Variants in EPS8 observed in about 807,000 individuals in gnomAD.
EPS8 encodes epidermal growth factor receptor kinase substrate 8.
A neutral mutation model predicts 103.8 loss-of-function variants in EPS8; 42 were observed. That is an observed-to-expected ratio of 0.40 (90% CI 0.32 to 0.52). The LOEUF (loss-of-function observed/expected upper bound fraction) is 0.52. Among genes scored for constraint, EPS8 ranks in the 20% least tolerant of loss-of-function variants. EPS8 has a pLI of 0.40. For missense variants in EPS8, 969 were observed against 1,005.1 expected, an observed-to-expected ratio of 0.96 and a Z score of 0.49; for synonymous variants, 344 against 344.6, an observed-to-expected ratio of 1.00 and a Z score of 0.02.
At chr12:15,743,981 A>G (rs1453518965) in intron 1 of EPS8, among the ~76,000 whole-genome samples, 1 of 152,206 alleles carries the variant, frequency 6.6e-6, no homozygotes, top group Non-Finnish European at 1.5e-5. Flanking sequence ...GGCAACCTAC[A>G]GTATGGGAGA....
rs1279041497 is a variant in EPS8, at chr12:15,698,965, GTAAATGACCATCAATCTACTAATATAAA to G, written c.-21-16021_-21-15994del. Among the ~76,000 whole-genome samples the G allele has an allele frequency of 2.6e-5, 4 of 152,134 alleles. No individual in the cohort carries two copies. Among genetic ancestry groups the G allele is most frequent in the African/African-American group, 9.7e-5 (4 of 41,436 alleles). ...CCAGATGCTTCAGATTTGAAAAAATGTAAATGACCATCAATCTACTAATATAAATGGGCAAAGGACAGATGATCCACAG... is the reference window on the plus strand; with the variant it reads ...CCAGATGCTTCAGATTTGAAAAAATGTGGGCAAAGGACAGATGATCCACAG... On this transcript the variant is annotated intron_variant, in intron 1 of 20. Transcript: ENST00000281172. This position sits in a 1 kb window ranked among gnomAD's most constrained non-coding sequence, Gnocchi z 4.9.
intron 3 of EPS8, among the ~76,000 whole-genome samples, chr12:15,675,022 G>C (rs1945879707): frequency 6.6e-6 from 1 of 152,146 alleles, no homozygotes; most frequent in Non-Finnish European, 1.5e-5. Flanking sequence ...AAGATCAGGA[G>C]ATAGACAAGA....
intron 1 of EPS8, among the ~76,000 whole-genome samples, chr12:15,786,562 T>C (rs1262678220): frequency 6.6e-5 from 10 of 152,050 alleles, no homozygotes; most frequent in Non-Finnish European, 1.5e-4. Context: ...TAGTAACAAA[T>C]ACCAATAATA....
chr12:15,634,911 G>A, intron 17 of EPS8: 1 of 391,598 alleles, frequency 2.6e-6, no homozygotes, highest in South Asian at 1.4e-4. Flanking sequence ...AACCAGTGAA[G>A]GAGCCTGTAA....
chr12:15,753,373 T>A (rs1353729196), intron 1 of EPS8, among the ~76,000 whole-genome samples: 1 of 152,200 alleles, frequency 6.6e-6, no homozygotes, highest in Non-Finnish European at 1.5e-5. Flanking sequence ...AAGGTCTTTG[T>A]GTCTTTTTCA....
At chr12:15,636,271 A>G (rs1384347201) in intron 17 of EPS8, among the ~76,000 whole-genome samples, 1 of 152,124 alleles carries the variant, frequency 6.6e-6, no homozygotes, top group Non-Finnish European at 1.5e-5. Context: ...TTATCAAGAC[A>G]TGTTATCTCT....
rs1346026059 is a variant in EPS8 at position 15,727,582 on chromosome 12, G to T, written c.-21-44610C>A. Among the ~76,000 whole-genome samples, 1 of 152,232 alleles carries T rather than the reference G, an allele frequency of 6.6e-6. No homozygotes were observed. The highest frequency in any genetic ancestry group is 2.4e-5 in the African/African-American group (1 of 41,460). On this transcript the variant is annotated intron_variant, in intron 1 of 20. Coordinates refer to ENST00000281172, the MANE Select transcript of EPS8 (RefSeq NM_004447.6). This position sits in a 1 kb window ranked among gnomAD's most constrained non-coding sequence, Gnocchi z 4.3. ...ACTCATTAAAATAAAGAATAAGGCT[G>T]GGCACAGTGGCTCACGCCTGTAATT... is the stretch of plus-strand genomic sequence containing the variant.
At chr12:15,640,223 G>C (rs1320231063) in intron 17 of EPS8, among the ~76,000 whole-genome samples, 1 of 152,156 alleles carries the variant, frequency 6.6e-6, no homozygotes, top group Non-Finnish European at 1.5e-5. Context: ...AGGTGAACAG[G>C]TACTCATGTA....
chr12:15,680,958 A>G (rs541064274), intron 3 of EPS8, among the ~76,000 whole-genome samples: 1 of 152,276 alleles, frequency 6.6e-6, no homozygotes, highest in Non-Finnish European at 1.5e-5. Flanking sequence ...TAAATGGGAA[A>G]AGCCACCTAG....
chr12:15,664,928 G>A (rs1278242174), intron 8 of EPS8: 1 of 152,106 alleles, frequency 6.6e-6, no homozygotes, highest in East Asian at 1.9e-4. Flanking sequence ...GTAACACTAA[G>A]TTCTATGTTA....
intron 1 of EPS8, among the ~76,000 whole-genome samples, chr12:15,788,776 C>A (rs1947336473): frequency 6.6e-6 from 1 of 152,200 alleles, no homozygotes; most frequent in Non-Finnish European, 1.5e-5. Context: ...GCACAAATCC[C>A]AAGTCTAACG....
chr12:15,651,115 A>G lies in EPS8; in HGVS notation c.1251-109T>C. On this transcript the variant is annotated intron_variant, in intron 13 of 20. Coordinates refer to ENST00000281172, the MANE Select transcript of EPS8 (RefSeq NM_004447.6). Reference sequence around the variant, plus strand: ...ACACACGCACACACACATAAATAACAAACAACAAAAACAGCACATAGACCT... The same window carrying G: ...ACACACGCACACACACATAAATAACGAACAACAAAAACAGCACATAGACCT... The G allele has an allele frequency of 8.8e-6, 7 of 798,808 alleles. No individual in the cohort carries two copies. The Admixed American group carries it at 1.1e-4, about 13-fold the overall frequency. The allele number at this position is 798,808 out of a possible 1,614,324, so 49.5% of individuals were successfully genotyped here.
At position 15,650,818 on chromosome 12, in the gene EPS8, A is replaced by G; in HGVS notation, c.1434+5T>C. ...TACAGAGGGCAATGTTAAAAAAAAA[A>G]CTACCTCTGTGGATAATCTTTTTAT... On this transcript the variant is annotated splice_donor_5th_base_variant and intron_variant, in intron 14 of 20. Coordinates refer to ENST00000281172, the MANE Select transcript of EPS8 (RefSeq NM_004447.6). 6.2e-7 allele frequency: 1 copy of G among 1,611,518 alleles called. No homozygotes were observed. Among genetic ancestry groups the G allele is most frequent in the East Asian group, 2.2e-5 (1 of 44,862 alleles).
In EPS8 at chr12:15,725,472, T is replaced by TA. The variant is rs75488976; in HGVS notation, c.-21-42501dup. ...GTCTCAAAAAAAAAAGGAAAAAAAC[T>TA]AAAAAAAAAAAAAAAATCTGCATGG... On this transcript the variant is annotated intron_variant, in intron 1 of 20. Coordinates refer to ENST00000281172, the MANE Select transcript of EPS8 (RefSeq NM_004447.6). The surrounding 1 kb of genome is among the most constrained non-coding windows in gnomAD (Gnocchi z 4.5). 0.012 allele frequency among the ~76,000 whole-genome samples: 1,526 copies of TA among 131,700 alleles called. 15 individuals are homozygous for TA. The highest frequency in any genetic ancestry group is 0.034 in the East Asian group (156 of 4,612). The allele number at this position is 131,700 out of a possible 152,430, so 86.4% of individuals were successfully genotyped here.
intron 13 of EPS8, among the ~76,000 whole-genome samples, chr12:15,653,071 G>A (rs538553766): frequency 2.6e-5 from 4 of 152,270 alleles, no homozygotes; most frequent in Admixed American, 6.5e-5. Context: ...TTAATAATCT[G>A]TCTTCCATAA....
At chr12:15,729,658 TC>T (rs1308438427) in intron 1 of EPS8, among the ~76,000 whole-genome samples, 1 of 152,220 alleles carries the variant, frequency 6.6e-6, no homozygotes, top group African/African-American at 2.4e-5. Flanking sequence ...ATTTTTTATC[TC>T]CCTTGAAATT....
chr12:15,714,423 C>T lies in EPS8; in HGVS notation c.-21-31451G>A, dbSNP rs914682033. ...TGATAGGCCACGGGTGGGAGGATCCCTTGAGTCCAGGAAGTCAAGAGCAGC... is the reference window on the plus strand; with the variant it reads ...TGATAGGCCACGGGTGGGAGGATCCTTTGAGTCCAGGAAGTCAAGAGCAGC... On this transcript the variant is annotated intron_variant, in intron 1 of 20. Transcript: ENST00000281172. The surrounding 1 kb of genome is among the most constrained non-coding windows in gnomAD (Gnocchi z 4.1). 1.3e-5 allele frequency among the ~76,000 whole-genome samples: 2 copies of T among 152,102 alleles called. No individual in the cohort carries two copies. The highest frequency in any genetic ancestry group is 2.9e-5 in the Non-Finnish European group (2 of 68,002).
intron 1 of EPS8, among the ~76,000 whole-genome samples, chr12:15,726,161 A>G (rs2135985174): frequency 6.6e-6 from 1 of 152,282 alleles, no homozygotes; most frequent in Non-Finnish European, 1.5e-5. Flanking sequence ...CTATTTCACA[A>G]GAGAAATTAA....
In EPS8 at chr12:15,778,459, A is replaced by G. The variant is rs1947229068; in HGVS notation, c.-22+10702T>C. ...TACTGACAAAATTAATGTTCTCTCGACTAAAAGGATCTTGATGTGCAAAAA... is the reference window on the plus strand; with the variant it reads ...TACTGACAAAATTAATGTTCTCTCGGCTAAAAGGATCTTGATGTGCAAAAA... On this transcript the variant is annotated intron_variant, in intron 1 of 20. Transcript: ENST00000281172. This position sits in a 1 kb window ranked among gnomAD's most constrained non-coding sequence, Gnocchi z 4.5. Among the ~76,000 whole-genome samples the G allele has an allele frequency of 6.6e-6, 1 of 152,204 alleles. No homozygotes were observed. Among genetic ancestry groups the G allele is most frequent in the Non-Finnish European group, 1.5e-5 (1 of 68,034 alleles).
Sources: allele counts gnomAD v4.1 joint callset (sites outside exome capture counted in the v4.1 genomes callset), GRCh38; gene constraint gnomAD v4.1.1; non-coding constraint Gnocchi (gnomAD v3.1); transcripts MANE v1.5; gene names NCBI Gene and HGNC (gene_info 2026-07-23, HGNC 2026-07-21).